Variants in AVEN observed in about 807,000 individuals in gnomAD.
The protein encoded by AVEN is apoptosis and caspase activation inhibitor.
A neutral mutation model predicts 38.1 loss-of-function variants in AVEN; 41 were observed. The ratio of observed to expected loss-of-function variants is 1.08; its 90% CI spans 0.84 to 1.40. AVEN has a LOEUF of 1.40. AVEN is among the 40% of genes most tolerant of loss of function. The pLI, the probability that AVEN is intolerant of heterozygous loss-of-function variation, is 0.00. For missense variants in AVEN, 605 were observed against 438.8 expected (o/e 1.38, Z -3.38); for synonymous variants, 206 against 171.8 (o/e 1.20, Z -1.56).
intron 2 of AVEN, among the ~76,000 whole-genome samples, chr15:33,898,198 C>CAA (rs1892330229): frequency 6.6e-6 from 1 of 152,222 alleles, no homozygotes; most frequent in Admixed American, 6.5e-5. Flanking sequence ...CAAAACAAAA[C>CAA]AAAACAGCTG....
At chr15:33,946,772 C>T (rs1483746846) in intron 2 of AVEN, among the ~76,000 whole-genome samples, 1 of 152,166 alleles carries the variant, frequency 6.6e-6, no homozygotes, top group Non-Finnish European at 1.5e-5. Flanking sequence ...AAAGAGGGTA[C>T]AGCAAAGTAG....
In AVEN at chr15:33,902,208, CTAAG is replaced by C. The variant is rs1364378010; in HGVS notation, c.446-26217_446-26214del. Among the ~76,000 whole-genome samples the C allele has an allele frequency of 3.3e-5, 5 of 152,138 alleles. No homozygotes were observed. In the East Asian group the frequency reaches 9.7e-4, roughly 29 times the overall value. Reference sequence around the variant, plus strand: ...TGTTTTACCTCCTTCAAATTTATTCCTAAGTGTTTTATTTTTGTTGATGACATCA... The same window carrying C: ...TGTTTTACCTCCTTCAAATTTATTCCTGTTTTATTTTTGTTGATGACATCA... On this transcript the variant is annotated intron_variant, in intron 2 of 5. Coordinates refer to ENST00000306730, the MANE Select transcript of AVEN (RefSeq NM_020371.3).
intron 3 of AVEN, among the ~76,000 whole-genome samples, chr15:33,873,000 G>A (rs1891051260): frequency 6.6e-6 from 1 of 150,694 alleles, no homozygotes; most frequent in African/African-American, 2.4e-5. Flanking sequence ...TCCCTCTCCT[G>A]CCAGGATTCC....
At chr15:34,064,637 G>T (rs1455478887) in intron 4 of AVEN, 1 of 315,182 alleles carries the variant, frequency 3.2e-6, no homozygotes, top group Non-Finnish European at 6.1e-6. Context: ...GGGAACTTAT[G>T]CCCCTTCTGT....
chr15:33,991,917 C>G (rs1896741274), intron 2 of AVEN: 2 of 153,328 alleles, frequency 1.3e-5, no homozygotes, highest in Non-Finnish European at 2.9e-5. Flanking sequence ...TAGGCTGGAT[C>G]TGCTAAAGGA....
intron 2 of AVEN, among the ~76,000 whole-genome samples, chr15:33,978,414 A>G (rs899766347): frequency 6.6e-6 from 1 of 152,210 alleles, no homozygotes; most frequent in Admixed American, 6.5e-5. Context: ...CTGTAATCCC[A>G]GCACTTTAGG....
upstream of AVEN, among the ~76,000 whole-genome samples, chr15:34,041,628 T>C (rs971158989): frequency 2.0e-5 from 3 of 152,230 alleles, no homozygotes; most frequent in African/African-American, 7.2e-5. Flanking sequence ...TTGAAAGGTA[T>C]GCCATTTTAG....
At chr15:33,957,660 C>T (rs963479143) in intron 2 of AVEN, among the ~76,000 whole-genome samples, 8 of 149,860 alleles carry the variant, frequency 5.3e-5, no homozygotes, top group African/African-American at 1.2e-4. Flanking sequence ...TGCTAGTCAG[C>T]GGGTAAAAAG....
At chr15:33,926,053 G>C (rs1010576210) in intron 2 of AVEN, among the ~76,000 whole-genome samples, 1 of 152,144 alleles carries the variant, frequency 6.6e-6, no homozygotes, top group Non-Finnish European at 1.5e-5. Flanking sequence ...TTTCAACATA[G>C]TTTTTCAGAT....
intron 3 of AVEN, among the ~76,000 whole-genome samples, chr15:33,871,383 A>G (rs1567387232): frequency 6.6e-6 from 1 of 152,158 alleles, no homozygotes; most frequent in Non-Finnish European, 1.5e-5. Flanking sequence ...CCTAGCCAAC[A>G]TGGTGAAACC....
intron 2 of AVEN, among the ~76,000 whole-genome samples, chr15:33,936,907 G>A (rs1048507777): frequency 2.0e-5 from 3 of 152,144 alleles, no homozygotes; most frequent in African/African-American, 4.8e-5. Context: ...CGAGGCGGGC[G>A]GATCACGAGG....
chr15:33,985,683 A>T (rs115834201), intron 2 of AVEN, among the ~76,000 whole-genome samples: 118 of 152,190 alleles, frequency 7.8e-4, no homozygotes, highest in African/African-American at 2.8e-3. Flanking sequence ...GACATGATGC[A>T]TGATACACCT....
At chr15:33,910,990 A>G (rs1892895260) in intron 2 of AVEN, among the ~76,000 whole-genome samples, 1 of 152,218 alleles carries the variant, frequency 6.6e-6, no homozygotes, top group Admixed American at 6.5e-5. Context: ...AAACCGATGA[A>G]TCATTGTGAC....
At chr15:34,064,418 C>T in intron 4 of AVEN, 2 of 1,361,008 alleles carry the variant, frequency 1.5e-6, no homozygotes, top group Non-Finnish European at 2.0e-6. Flanking sequence ...GAAGACATCT[C>T]ATTTTGAGTC....
chr15:33,858,129 C>T (rs566988071), downstream of AVEN: 230 of 607,408 alleles, frequency 3.8e-4, no homozygotes, highest in African/African-American at 3.9e-3. Context: ...CATTACCACA[C>T]ATCTAAGCCC....
intron 1 of AVEN, among the ~76,000 whole-genome samples, chr15:34,073,524 T>C (rs1253503450): frequency 2.1e-5 from 3 of 144,758 alleles, no homozygotes; most frequent in African/African-American, 7.6e-5. Context: ...TTTTTCTTTT[T>C]TTTTTTTTTT....
At chr15:34,032,863 C>T (rs1898927259) in intron 1 of AVEN, among the ~76,000 whole-genome samples, 1 of 152,204 alleles carries the variant, frequency 6.6e-6, no homozygotes, top group Non-Finnish European at 1.5e-5. Context: ...GTAATATGTC[C>T]TTTTGCAAAT....
At chr15:33,907,735 C>T (rs1597218436) in intron 2 of AVEN, among the ~76,000 whole-genome samples, 1 of 144,544 alleles carries the variant, frequency 6.9e-6, no homozygotes. Context: ...ACCTTGAAAA[C>T]AATAAAGCAC....
In AVEN at chr15:33,961,604, G is replaced by A. The variant is rs1377069048; in HGVS notation, c.445+41428C>T. Among the ~76,000 whole-genome samples, 15 of 151,800 alleles carry A rather than the reference G, an allele frequency of 9.9e-5. No individual in the cohort carries two copies. The South Asian group carries it at 3.1e-3, about 32-fold the overall frequency. On this transcript the variant is annotated intron_variant, in intron 2 of 5. Transcript: ENST00000306730. ...CAAGGTGGGCGAATCACGAGGTCAG[G>A]AGATCGAGACCATTCTGGCTAACAC...
Sources: gnomAD v4.1 joint callset for allele counts (sites outside exome capture counted in the v4.1 genomes callset) on GRCh38, gnomAD v4.1.1 for gene constraint, MANE v1.5 for transcripts, NCBI Gene and HGNC (gene_info 2026-07-23, HGNC 2026-07-21) for gene names.